Variants in DOCK7 observed in about 807,000 individuals in gnomAD.
The protein encoded by DOCK7 is dedicator of cytokinesis protein 7.
In DOCK7, 138 loss-of-function variants were observed where a neutral mutation model predicts 271.0. The ratio of observed to expected loss-of-function variants is 0.51; its 90% CI spans 0.44 to 0.59. The LOEUF (loss-of-function observed/expected upper bound fraction) is 0.59. Ranked by LOEUF, DOCK7 falls within the 20% of genes least tolerant of loss-of-function variation. DOCK7 has a pLI of 0.00. For synonymous variants in DOCK7, 823 were observed against 876.1 expected, an observed-to-expected ratio of 0.94 and a Z score of 1.07; for missense variants, 2,066 against 2,592.4, an observed-to-expected ratio of 0.80 and a Z score of 4.41.
chr1:62,458,153 GT>G (rs1332501572), intron 48 of DOCK7: 21 of 89,822 alleles, frequency 2.3e-4, no homozygotes, highest in African/African-American at 8.3e-4. Context: ...TGTCTCAAAC[GT>G]GGGTGTGTGT....
chr1:62,517,763 T>C (rs925234981), intron 31 of DOCK7, among the ~76,000 whole-genome samples: 4 of 152,184 alleles, frequency 2.6e-5, no homozygotes. Context: ...CTAGAAGGAA[T>C]ATATATTGCT....
chr1:62,478,936 A>G (rs1235000636), intron 43 of DOCK7: 1 of 152,124 alleles, frequency 6.6e-6, no homozygotes, highest in Non-Finnish European at 1.5e-5. Context: ...AAATTCTTTC[A>G]ATAAAGATAA....
At chr1:62,482,920 CAGA>C (rs1440621446) in intron 43 of DOCK7, 1 of 152,122 alleles carries the variant, frequency 6.6e-6, no homozygotes, top group Non-Finnish European at 1.5e-5. Flanking sequence ...CATTTCTTAT[CAGA>C]AGGACATATC....
At chr1:62,598,667 CTT>C in intron 14 of DOCK7, 2 of 1,321,730 alleles carry the variant, frequency 1.5e-6, no homozygotes, top group Non-Finnish European at 2.2e-6. Context: ...AGGAAAGCAA[CTT>C]ATAACCAACC....
At chr1:62,623,985 T>C (rs1653608399) in intron 12 of DOCK7, among the ~76,000 whole-genome samples, 1 of 152,180 alleles carries the variant, frequency 6.6e-6, no homozygotes, top group Admixed American at 6.5e-5. Flanking sequence ...CTCTTCTTAC[T>C]CAGAATAACA....
chr1:62,666,106 G>A (rs1485952216), intron 1 of DOCK7, among the ~76,000 whole-genome samples: 1 of 151,630 alleles, frequency 6.6e-6, no homozygotes, highest in Non-Finnish European at 1.5e-5. Flanking sequence ...AGAGCTTGCA[G>A]TAAGCTGAGA....
At chr1:62,503,699 C>T (rs936776800) in intron 37 of DOCK7, among the ~76,000 whole-genome samples, 4 of 152,020 alleles carry the variant, frequency 2.6e-5, no homozygotes, top group Non-Finnish European at 4.4e-5. Flanking sequence ...CCTCGGCCAC[C>T]CAAAGTGTTG....
chr1:62,654,916 C>T (rs1194026099), intron 2 of DOCK7, among the ~76,000 whole-genome samples: 1 of 152,152 alleles, frequency 6.6e-6, no homozygotes, highest in Non-Finnish European at 1.5e-5. Flanking sequence ...CCAAAGCCAT[C>T]AGAATTTGGA....
chr1:62,485,165 AT>A, intron 43 of DOCK7: 1 of 985,338 alleles, frequency 1.0e-6, no homozygotes, highest in Non-Finnish European at 1.2e-6. Flanking sequence ...GACAACAAAC[AT>A]GCTTTTACTT....
intron 49 of DOCK7, 29 bp from the exon 50 acceptor site, chr1:62,455,485 G>GTTT: frequency 6.2e-7 from 1 of 1,608,392 alleles, no homozygotes; most frequent in South Asian, 1.1e-5. Context: ...GACATAGTTA[G>GTTT]TTAAAGAGAA....
At chr1:62,456,330 A>C (rs1007499695) in intron 49 of DOCK7, among the ~76,000 whole-genome samples, 3 of 152,226 alleles carry the variant, frequency 2.0e-5, no homozygotes, top group Non-Finnish European at 4.4e-5. Context: ...ATTCTAAAAA[A>C]GAGTGAAGGG....
At chr1:62,487,315 A>C in intron 43 of DOCK7, 83 bp downstream of exon 43, 7 of 1,318,242 alleles carry the variant, frequency 5.3e-6, no homozygotes, top group Non-Finnish European at 7.6e-6. Context: ...GCCCACAGCT[A>C]GCACATGTGG....
At position 62,622,451 on chromosome 1, in the gene DOCK7, T is replaced by TTTTA. The variant is rs966927723; in HGVS notation, c.1426-2462_1426-2459dup. ...TTTCTAATAATTTTGACTTCACACATTTTATTTATTTATTTATTTTGAGAC... is the reference window on the plus strand; with the variant it reads ...TTTCTAATAATTTTGACTTCACACATTTTATTTATTTATTTATTTATTTTGAGAC... On this transcript the variant is annotated intron_variant, in intron 12 of 49. Coordinates refer to ENST00000635253, the MANE Select transcript of DOCK7 (RefSeq NM_001367561.1). 2.2e-4 allele frequency among the ~76,000 whole-genome samples: 33 copies of TTTTA among 152,162 alleles called. No individual in the cohort carries two copies. In the East Asian group the frequency reaches 5.0e-3, roughly 23 times the overall value.
At chr1:62,598,080 G>A (rs757388459) in intron 14 of DOCK7, 1 of 1,562,450 alleles carries the variant, frequency 6.4e-7, no homozygotes, top group Non-Finnish European at 8.6e-7. Context: ...AAAATAAAGA[G>A]GGTTCATGTT....
chr1:62,675,043 A>G (rs1335762411), intron 1 of DOCK7, among the ~76,000 whole-genome samples: 2 of 152,246 alleles, frequency 1.3e-5, no homozygotes, highest in African/African-American at 4.8e-5. Flanking sequence ...TGTAAATTAT[A>G]TATCTAAAGA....
At position 62,461,158 on chromosome 1, in the gene DOCK7, A is replaced by G. The variant is rs553754049; in HGVS notation, c.6213-3453T>C. On this transcript the variant is annotated intron_variant, in intron 48 of 49. Transcript: ENST00000635253. ...AAAAATCTACAAAAAACCTGTAGCA[A>G]ACATACTTAGTGGTGAAAACCCTTT... Among the ~76,000 whole-genome samples the G allele has an allele frequency of 4.4e-4, 67 of 152,306 alleles. 1 individual carries two copies. The Middle Eastern group carries it at 0.01, about 23-fold the overall frequency.
Position 62,528,245 on chromosome 1 carries a change from C to T in DOCK7, c.3842G>A (p.Ser1281Asn). 1.2e-6 allele frequency: 2 copies of T among 1,613,700 alleles called. No homozygotes were observed. Among genetic ancestry groups the T allele is most frequent in the Non-Finnish European group, 1.7e-6 (2 of 1,179,812 alleles). Reference sequence around the variant, plus strand: ...AACGGTCTGGCTTATCATACTTCCGCTCTCACTTTCATAATCATCAGTGGC... The same window carrying T: ...AACGGTCTGGCTTATCATACTTCCGTTCTCACTTTCATAATCATCAGTGGC... ...CIATDDYESE[S>N]GSMISQTVAM... Residue 1281 changes from serine to asparagine, a missense_variant, in exon 31 of 50, where the codon AGC becomes AAC. Transcript: ENST00000635253.
chr1:62,491,744 ATAG>A (rs1646472143), intron 41 of DOCK7, among the ~76,000 whole-genome samples: 1 of 152,252 alleles, frequency 6.6e-6, no homozygotes, highest in Non-Finnish European at 1.5e-5. Flanking sequence ...AGATCTATTT[ATAG>A]AGCCCTGTCA....
intron 21 of DOCK7, chr1:62,555,195 G>C (rs1000783241): frequency 3.9e-5 from 6 of 152,114 alleles, no homozygotes; most frequent in Non-Finnish European, 8.8e-5. Flanking sequence ...TACTCAGAAA[G>C]GTTATATTAT....
Sources: gnomAD v4.1 joint callset for allele counts (sites outside exome capture counted in the v4.1 genomes callset) on GRCh38, gnomAD v4.1.1 for gene constraint, MANE v1.5 for transcripts, NCBI Gene and HGNC (gene_info 2026-07-23, HGNC 2026-07-21) for gene names.